ILRUN: variants seen among roughly 807,000 people sequenced by gnomAD.
ILRUN encodes protein ILRUN.
ILRUN carries 3 observed loss-of-function variants against 33.8 expected under a neutral mutation model. That is an observed-to-expected ratio of 0.09 (90% CI 0.04 to 0.23). The LOEUF (loss-of-function observed/expected upper bound fraction) is 0.23. Ranked by LOEUF, ILRUN falls within the 10% of genes least tolerant of loss-of-function variation. The probability of loss-of-function intolerance (pLI) is 1.00; values close to 1 mark genes in which losing one functional copy is unlikely to be tolerated. For missense variants in ILRUN, 210 were observed against 375.1 expected, an observed-to-expected ratio of 0.56 and a Z score of 3.64; for synonymous variants, 124 against 138.9, an observed-to-expected ratio of 0.89 and a Z score of 0.75.
At chr6:34,596,362 A>G (rs577343950) in intron 4 of ILRUN, among the ~76,000 whole-genome samples, 2 of 152,226 alleles carry the variant, frequency 1.3e-5, no homozygotes, top group South Asian at 4.1e-4. Flanking sequence ...GGTTCAAGCG[A>G]TTCTCCTGCA....
intron 1 of ILRUN, among the ~76,000 whole-genome samples, chr6:34,662,263 G>A (rs1318684744): frequency 1.2e-4 from 17 of 146,948 alleles, no homozygotes; most frequent in Middle Eastern, 3.5e-3. Flanking sequence ...CCGAGATCGC[G>A]CCACTGCACT....
rs936725859 is a variant in ILRUN at position 34,659,952 on chromosome 6, A to G, written c.159-5173T>C. On this transcript the variant is annotated intron_variant, in intron 1 of 4. Coordinates refer to ENST00000374023, the MANE Select transcript of ILRUN (RefSeq NM_024294.4). ...GCAGTCTTAGGAAGAAAAATCATCT[A>G]TATATTTATATGAGGCCAGAAACAT... Among the ~76,000 whole-genome samples, 37 of 152,142 alleles carry G rather than the reference A, an allele frequency of 2.4e-4. No homozygotes were observed. In the East Asian group the frequency reaches 6.6e-3, roughly 27 times the overall value.
chr6:34,639,933 G>A (rs966389867), intron 3 of ILRUN, among the ~76,000 whole-genome samples: 3 of 152,052 alleles, frequency 2.0e-5, no homozygotes, highest in African/African-American at 7.2e-5. Context: ...ATAATACCTG[G>A]CAAATAGTAA....
intron 3 of ILRUN, among the ~76,000 whole-genome samples, chr6:34,645,589 C>CTCGA (rs1435290255): frequency 6.6e-6 from 1 of 152,142 alleles, no homozygotes; most frequent in Non-Finnish European, 1.5e-5. Flanking sequence ...CCAGGCTGAT[C>CTCGA]TCGAGCCTCT....
At chr6:34,688,796 A>G (rs1232455877) in intron 1 of ILRUN, among the ~76,000 whole-genome samples, 1 of 133,526 alleles carries the variant, frequency 7.5e-6, no homozygotes, top group African/African-American at 2.5e-5. Context: ...CTGGGCGACA[A>G]CAACAACAAC....
Position 34,696,541 on chromosome 6 carries a change from G to A in ILRUN, c.63C>T (p.Thr21=), listed in dbSNP as rs961434568. 7 of 1,613,390 alleles carry A rather than the reference G, an allele frequency of 4.3e-6. No individual in the cohort carries two copies. Among genetic ancestry groups the A allele is most frequent in the Non-Finnish European group, 5.1e-6 (6 of 1,179,840 alleles). The change falls in exon 1 of 5, where the codon ACC becomes ACT. Residue 21 remains threonine (T), a synonymous_variant. Coordinates refer to ENST00000374023, the MANE Select transcript of ILRUN (RefSeq NM_024294.4). ...CGGAGATGAGCACGTCCTTGTCGGT[G>A]GTGCCCAGGCAGCTGAACTTCTGCA... ...ELMQKFSCLG[T]TDKDVLISEF...
intron 3 of ILRUN, among the ~76,000 whole-genome samples, chr6:34,633,894 A>C (rs1467632076): frequency 2.2e-5 from 1 of 45,688 alleles, no homozygotes; most frequent in South Asian, 1.1e-3. Context: ...GGAGGGAGGG[A>C]GGGAGGGAGG....
chr6:34,645,760 T>C (rs1762552671), intron 3 of ILRUN, among the ~76,000 whole-genome samples: 1 of 152,174 alleles, frequency 6.6e-6, no homozygotes, highest in African/African-American at 2.4e-5. Context: ...GCCACAGCTA[T>C]AGATATTAAT....
At chr6:34,624,887 G>A (rs1319615830) in intron 3 of ILRUN, among the ~76,000 whole-genome samples, 1 of 152,082 alleles carries the variant, frequency 6.6e-6, no homozygotes, top group African/African-American at 2.4e-5. Flanking sequence ...TTTTGCTTCC[G>A]AGAGATCTTA....
At chr6:34,683,457 TATATACATATATATAC>T (rs1763431043) in intron 1 of ILRUN, among the ~76,000 whole-genome samples, 2 of 115,310 alleles carry the variant, frequency 1.7e-5, no homozygotes, top group African/African-American at 8.6e-5. Context: ...TATATACATA[TATATACATATATATAC>T]ACATATATAT....
intron 1 of ILRUN, 62 bp downstream of exon 1, chr6:34,696,384 C>T: frequency 6.7e-7 from 1 of 1,495,660 alleles, no homozygotes. Context: ...TCAAGTGTCC[C>T]TTCCCTTCCC....
chr6:34,610,663 CT>C (rs1237070103), intron 3 of ILRUN, among the ~76,000 whole-genome samples: 3 of 152,188 alleles, frequency 2.0e-5, no homozygotes, highest in African/African-American at 7.2e-5. Flanking sequence ...ATCTGAAACA[CT>C]TCTGGTCTCA....
intron 1 of ILRUN, among the ~76,000 whole-genome samples, chr6:34,685,817 G>C (rs563112973): frequency 6.6e-6 from 1 of 152,172 alleles, no homozygotes; most frequent in East Asian, 1.9e-4. Context: ...GAGCTAATGA[G>C]AGGCCAGTCC....
intron 1 of ILRUN, among the ~76,000 whole-genome samples, chr6:34,680,828 GAA>G (rs1434528083): frequency 6.6e-6 from 1 of 151,462 alleles, no homozygotes; most frequent in Non-Finnish European, 1.5e-5. Flanking sequence ...GAGCAGGAGT[GAA>G]AGTTTATTTT....
intron 2 of ILRUN, among the ~76,000 whole-genome samples, chr6:34,654,021 C>T (rs1451168513): frequency 6.6e-6 from 1 of 151,320 alleles, no homozygotes; most frequent in Non-Finnish European, 1.5e-5. Flanking sequence ...GCTACCACAC[C>T]CAATCTGTAT....
At chr6:34,619,207 TAGA>T (rs1383766780) in intron 3 of ILRUN, among the ~76,000 whole-genome samples, 1 of 152,036 alleles carries the variant, frequency 6.6e-6, no homozygotes, top group Non-Finnish European at 1.5e-5. Flanking sequence ...AGGAAGAAGC[TAGA>T]AGAGGAGAAT....
At chr6:34,672,645 A>C (rs1233994883) in intron 1 of ILRUN, among the ~76,000 whole-genome samples, 1 of 152,140 alleles carries the variant, frequency 6.6e-6, no homozygotes, top group Non-Finnish European at 1.5e-5. Flanking sequence ...CTAAAGTAAT[A>C]AAAAAATGCA....
intron 3 of ILRUN, among the ~76,000 whole-genome samples, chr6:34,614,439 A>T (rs185449731): frequency 0.021 from 2,609 of 122,100 alleles, 108 homozygotes; most frequent in African/African-American, 0.072. Flanking sequence ...AATAAAAAAA[A>T]AAAAATATAT....
At chr6:34,628,489 C>G (rs1044766242) in intron 3 of ILRUN, among the ~76,000 whole-genome samples, 2 of 152,152 alleles carry the variant, frequency 1.3e-5, no homozygotes, top group East Asian at 3.9e-4. Context: ...CCTGCCACCA[C>G]GCCTGGCTAA....
Sources: allele counts gnomAD v4.1 joint callset (sites outside exome capture counted in the v4.1 genomes callset), GRCh38; gene constraint gnomAD v4.1.1; transcripts MANE v1.5; gene names NCBI Gene and HGNC (gene_info 2026-07-23, HGNC 2026-07-21).